The following APPL1 variants were observed in gnomAD, a reference collection of about 807,000 sequenced individuals.
APPL1 encodes DCC-interacting protein 13-alpha.
Under a neutral mutation model 106.8 loss-of-function variants are expected in APPL1, and 42 were observed. That is an observed-to-expected ratio of 0.39 (90% CI 0.31 to 0.51). The LOEUF (loss-of-function observed/expected upper bound fraction) is 0.51. Ranked by LOEUF, APPL1 falls within the 20% of genes least tolerant of loss-of-function variation. The probability of loss-of-function intolerance (pLI) is 0.75; values close to 1 mark genes in which losing one functional copy is unlikely to be tolerated. For missense variants in APPL1, 769 were observed against 858.2 expected (o/e 0.90, Z 1.30); for synonymous variants, 263 against 281.8 (o/e 0.93, Z 0.67).
intron 1 of APPL1, among the ~76,000 whole-genome samples, chr3:57,229,632 G>A (rs1356922871): frequency 2.0e-5 from 3 of 150,230 alleles, no homozygotes; most frequent in African/African-American, 7.4e-5. Context: ...GAACACCTAT[G>A]CTGAAGTGAT....
chr3:57,251,461 G>A (rs147752599), intron 11 of APPL1, among the ~76,000 whole-genome samples: 1,964 of 149,966 alleles, frequency 0.013, 44 homozygotes, highest in African/African-American at 0.046. Flanking sequence ...GGAGGCAGAG[G>A]TTGCAGTGAG....
intron 1 of APPL1, among the ~76,000 whole-genome samples, chr3:57,231,113 G>GT (rs1290876333): frequency 6.6e-6 from 1 of 151,920 alleles, no homozygotes; most frequent in Non-Finnish European, 1.5e-5. Flanking sequence ...GACGAGGCAG[G>GT]TGAATCACGA....
In APPL1 at chr3:57,242,877, G is replaced by A. The variant is rs1173425203; in HGVS notation, c.437G>A (p.Arg146Lys). 6.2e-7 allele frequency: 1 copy of A among 1,612,096 alleles called. No homozygotes were observed. The change falls in exon 7 of 22, where the codon AGA becomes AAA. Residue 146 changes from arginine to lysine, a missense_variant. Physicochemically the swap from Arg to Lys is conservative, Grantham distance 26. Transcript: ENST00000288266. ...ASNDHDAAINRYSRLSKKREN... is the reference protein window; with the variant it reads ...ASNDHDAAINKYSRLSKKREN... ...CCAGATCATGATGCTGCGATTAATA[G>A]ATATAGCCGTTTATCAAAAAAAAGA...
At chr3:57,245,952 C>G (rs2060771472) in intron 7 of APPL1, 124 bp from the exon 8 acceptor site, 1 of 604,792 alleles carries the variant, frequency 1.7e-6, no homozygotes, top group Admixed American at 3.9e-5. Context: ...CATTAATGCT[C>G]AATTGCTTGT....
At chr3:57,238,547 G>C (rs2060728973) in intron 4 of APPL1, among the ~76,000 whole-genome samples, 1 of 152,124 alleles carries the variant, frequency 6.6e-6, no homozygotes, top group Admixed American at 6.5e-5. Context: ...TTAAAACAAA[G>C]ACCTAAAAGG....
At chr3:57,237,468 C>T (rs1348961987) in intron 2 of APPL1, 24 bp from the exon 3 acceptor site, 5 of 1,573,942 alleles carry the variant, frequency 3.2e-6, no homozygotes, top group East Asian at 2.3e-5. Context: ...CAGTAATATG[C>T]TAATTTGAAT....
At chr3:57,266,271 A>G (rs2060894026) in intron 19 of APPL1, among the ~76,000 whole-genome samples, 1 of 152,200 alleles carries the variant, frequency 6.6e-6, no homozygotes, top group Admixed American at 6.5e-5. Context: ...TAAGATTGGT[A>G]TTAGTTCTTC....
intron 4 of APPL1, 45 bp downstream of exon 4, chr3:57,238,161 G>A (rs2060726203): frequency 7.1e-7 from 1 of 1,410,062 alleles, no homozygotes; most frequent in African/African-American, 1.4e-5. Flanking sequence ...TCTTATAATT[G>A]AGTTACCCAG....
intron 12 of APPL1, among the ~76,000 whole-genome samples, chr3:57,252,934 T>A (rs185071173): frequency 6.6e-6 from 1 of 152,330 alleles, no homozygotes; most frequent in Admixed American, 6.5e-5. Flanking sequence ...ATTATAATTG[T>A]GTTGGTAAAA....
intron 2 of APPL1, among the ~76,000 whole-genome samples, chr3:57,236,881 A>G (rs1289985937): frequency 6.6e-6 from 1 of 152,148 alleles, no homozygotes; most frequent in Non-Finnish European, 1.5e-5. Flanking sequence ...TTCCCTTCTC[A>G]TATTGTTTGC....
At chr3:57,238,315 A>T (rs2060727085) in intron 4 of APPL1, 199 bp downstream of exon 4, 1 of 498,168 alleles carries the variant, frequency 2.0e-6, no homozygotes, top group African/African-American at 2.0e-5. Context: ...AAACTTACAG[A>T]TGTGCTTCTT....
intron 13 of APPL1, among the ~76,000 whole-genome samples, chr3:57,254,014 C>T (rs1449363865): frequency 6.6e-6 from 1 of 152,174 alleles, no homozygotes; most frequent in Admixed American, 6.5e-5. Context: ...AGGCGTGTGC[C>T]ATGACACCCA....
In APPL1 at chr3:57,238,095, G is replaced by T. The variant is rs1265958322; in HGVS notation, c.264G>T (p.Gln88His). 1.9e-6 allele frequency: 3 copies of T among 1,610,342 alleles called. No homozygotes were observed. Among genetic ancestry groups the T allele is most frequent in the Non-Finnish European group, 2.5e-6 (3 of 1,178,636 alleles). ...DDEVMSSTLQ[Q>H]FSKVIDELSS... is the part of the protein sequence containing the mutation. ...AAGTTATGAGCTCTACATTGCAACA[G>T]TTTTCAAAAGTTATAGATGAGGTAA... The change falls in exon 4 of 22, where the codon CAG becomes CAT. Residue 88 changes from glutamine to histidine, a missense_variant. Gln to His is a conservative substitution (Grantham distance 24). Transcript: ENST00000288266.
intron 1 of APPL1, 42 bp from the exon 2 acceptor site, chr3:57,235,524 G>T: frequency 1.6e-6 from 2 of 1,289,938 alleles, no homozygotes; most frequent in Admixed American, 2.0e-5. Context: ...CATCTGATTT[G>T]TATAATGATT....
At chr3:57,240,344 T>C (rs1205499301) in intron 4 of APPL1, 121 bp from the exon 5 acceptor site, 13 of 726,814 alleles carry the variant, frequency 1.8e-5, no homozygotes, top group Non-Finnish European at 3.0e-5. Context: ...TCACATAATT[T>C]TTAGTGTTTT....
intron 1 of APPL1, among the ~76,000 whole-genome samples, chr3:57,232,689 T>C (rs2060693380): frequency 6.6e-6 from 1 of 152,136 alleles, no homozygotes; most frequent in Non-Finnish European, 1.5e-5. Context: ...AACATGCATA[T>C]TGATGACTCT....
At chr3:57,235,445 A>C (rs2060711341) in intron 1 of APPL1, 121 bp from the exon 2 acceptor site, 1 of 556,966 alleles carries the variant, frequency 1.8e-6, no homozygotes, top group East Asian at 2.9e-5. Context: ...GACAAAATAG[A>C]TTAAAACTCA....
rs777457485 is a variant in APPL1, at chr3:57,268,491, T to C, written c.1983+4T>C. On this transcript the variant is annotated splice_donor_region_variant and intron_variant, in intron 21 of 21. Coordinates refer to ENST00000288266, the MANE Select transcript of APPL1 (RefSeq NM_012096.3). ...TAAACAAAAACAGATTGAAAAGGTA[T>C]ACAGTCCTAATGTCTGGATCTTTAT... 2 of 1,601,444 alleles carry C rather than the reference T, an allele frequency of 1.2e-6. No individual in the cohort carries two copies. Among genetic ancestry groups the C allele is most frequent in the Non-Finnish European group, 1.7e-6 (2 of 1,175,960 alleles).
intron 1 of APPL1, among the ~76,000 whole-genome samples, chr3:57,234,146 A>G (rs375128634): frequency 7.9e-5 from 12 of 152,202 alleles, no homozygotes; most frequent in African/African-American, 2.9e-4. Flanking sequence ...TAGAATAAAA[A>G]TATATCTTTT....
Sources: allele counts gnomAD v4.1 joint callset (sites outside exome capture counted in the v4.1 genomes callset), GRCh38; gene constraint gnomAD v4.1.1; transcripts MANE v1.5; gene names NCBI Gene and HGNC (gene_info 2026-07-23, HGNC 2026-07-21).